MVB12B: variants seen among roughly 807,000 people sequenced by gnomAD.
MVB12B encodes the protein ESCRT-I complex subunit MVB12B.
MVB12B carries 16 observed loss-of-function variants against 41.6 expected under a neutral mutation model. The ratio of observed to expected loss-of-function variants is 0.38; its 90% CI spans 0.26 to 0.58. The LOEUF (loss-of-function observed/expected upper bound fraction) is 0.58. Ranked by LOEUF, MVB12B falls within the 20% of genes least tolerant of loss-of-function variation. The pLI is 0.62. For synonymous variants in MVB12B, 133 were observed against 139.7 expected, an observed-to-expected ratio of 0.95 and a Z score of 0.34; for missense variants, 274 against 380.2, an observed-to-expected ratio of 0.72 and a Z score of 2.32.
At chr9:126,494,007 T>A (rs772735920) in intron 9 of MVB12B, among the ~76,000 whole-genome samples, 2 of 152,178 alleles carry the variant, frequency 1.3e-5, no homozygotes, top group Non-Finnish European at 2.9e-5. Context: ...TCCCCAGGCC[T>A]CCTTATGTCA....
chr9:126,390,576 C>A (rs1830921617), intron 4 of MVB12B, among the ~76,000 whole-genome samples: 2 of 152,224 alleles, frequency 1.3e-5, no homozygotes, highest in African/African-American at 2.4e-5. Context: ...ACGTGCTTAT[C>A]CTTTTTTTCC....
chr9:126,380,263 C>T (rs553170984), intron 2 of MVB12B, among the ~76,000 whole-genome samples: 1 of 152,266 alleles, frequency 6.6e-6, no homozygotes, highest in Admixed American at 6.5e-5. Context: ...TTCTCCTCCT[C>T]CTCTCCCATC....
chr9:126,471,868 TC>T (rs1198144686), intron 7 of MVB12B, among the ~76,000 whole-genome samples: 8 of 152,228 alleles, frequency 5.3e-5, no homozygotes, highest in Non-Finnish European at 1.5e-5. Flanking sequence ...GCCTCATTGT[TC>T]ACCAGCATCT....
rs1833510626 is a variant in MVB12B, at chr9:126,480,895, T to TGAGCTCCTCTTTCCTCCC, written c.758-473_758-456dup. On this transcript the variant is annotated intron_variant, in intron 7 of 9. Transcript: ENST00000361171. The surrounding 1 kb of genome is among the most constrained non-coding windows in gnomAD (Gnocchi z 4.9). ...ATTTGAACCCAGCCAATCTGACTCC[T>TGAGCTCCTCTTTCCTCCC]GAGCTCCTCTTTCCTCCCACTTAGT... The TGAGCTCCTCTTTCCTCCC allele has an allele frequency of 6.5e-6, 1 of 154,998 alleles. No homozygotes were observed. The highest frequency in any genetic ancestry group is 1.4e-5 in the Non-Finnish European group (1 of 70,070). The allele number at this position is 154,998 out of a possible 1,614,324, so 9.6% of individuals were successfully genotyped here.
At chr9:126,481,151 G>C (rs1833515768) in intron 7 of MVB12B, 3 of 584,316 alleles carry the variant, frequency 5.1e-6, no homozygotes, top group Non-Finnish European at 9.1e-6. Context: ...CTGGTGCTCA[G>C]GGGATGACGA....
chr9:126,349,528 G>A (rs1256804112), intron 2 of MVB12B, among the ~76,000 whole-genome samples: 2 of 152,014 alleles, frequency 1.3e-5, no homozygotes, highest in Non-Finnish European at 2.9e-5. Context: ...CTTAACCCTT[G>A]ATAGCCACTA....
intron 7 of MVB12B, among the ~76,000 whole-genome samples, chr9:126,434,580 A>G (rs1047844554): frequency 3.3e-5 from 5 of 152,214 alleles, no homozygotes; most frequent in South Asian, 2.1e-4. Flanking sequence ...GAGGCAATAA[A>G]CACACCTATC....
chr9:126,392,183 A>G lies in MVB12B; in HGVS notation c.527A>G (p.Tyr176Cys), dbSNP rs1292132045. Residue 176 changes from tyrosine to cysteine, a missense_variant, in exon 5 of 10, where the codon TAC (tyrosine) becomes TGC (cysteine). By Grantham distance (194) the Tyr-to-Cys change is radical (BLOSUM62 -2). Transcript: ENST00000361171. This position sits in a 1 kb window ranked among gnomAD's most constrained non-coding sequence, Gnocchi z 4.8. ...CGGACCAAGCAGGCCCCGCCTCAGT[A>G]CACGTTTATTGGGTGAGTCTTAATA... The part of the protein sequence containing the change: ...MGRTKQAPPQ[Y>C]TFIGELNSMG... The G allele has an allele frequency of 6.2e-7, 1 of 1,614,132 alleles. No homozygotes were observed. Among genetic ancestry groups the G allele is most frequent in the Non-Finnish European group, 8.5e-7 (1 of 1,179,996 alleles).
chr9:126,347,324 T>G (rs1189325251), intron 2 of MVB12B, among the ~76,000 whole-genome samples: 4 of 152,256 alleles, frequency 2.6e-5, no homozygotes, highest in African/African-American at 9.6e-5. Flanking sequence ...CCAGCTGCCC[T>G]GGGAGTCTCC....
intron 7 of MVB12B, among the ~76,000 whole-genome samples, chr9:126,475,075 C>T (rs764101991): frequency 2.0e-5 from 3 of 152,214 alleles, no homozygotes; most frequent in Non-Finnish European, 2.9e-5. Context: ...TGTTATTCCA[C>T]GCCTCTTCCA....
chr9:126,408,133 A>G (rs1225676631), intron 6 of MVB12B: 1 of 152,240 alleles, frequency 6.6e-6, no homozygotes, highest in East Asian at 1.9e-4. Flanking sequence ...TGGAAACAGT[A>G]TTTAAGGGCG....
chr9:126,494,431 G>A (rs2119227602), intron 9 of MVB12B, among the ~76,000 whole-genome samples: 1 of 152,302 alleles, frequency 6.6e-6, no homozygotes, highest in Non-Finnish European at 1.5e-5. Flanking sequence ...ATAAAGTGAA[G>A]CAGAGATTAC....
At chr9:126,397,355 C>T (rs376770090) in intron 6 of MVB12B, 40 of 985,398 alleles carry the variant, frequency 4.1e-5, no homozygotes, top group Middle Eastern at 5.2e-4. Context: ...GCAAGACAGC[C>T]GAGAACACCG....
intron 7 of MVB12B, among the ~76,000 whole-genome samples, chr9:126,469,898 T>A (rs975402381): frequency 3.9e-5 from 6 of 152,208 alleles, no homozygotes; most frequent in African/African-American, 1.4e-4. Context: ...CCCCAAGCCA[T>A]TAAATATTTA....
intron 9 of MVB12B, among the ~76,000 whole-genome samples, chr9:126,489,182 C>T (rs1005263089): frequency 6.6e-6 from 1 of 152,240 alleles, no homozygotes; most frequent in Non-Finnish European, 1.5e-5. Flanking sequence ...ATGCCGGTGT[C>T]TGCAGGGACC....
intron 9 of MVB12B, among the ~76,000 whole-genome samples, chr9:126,488,176 G>C (rs1833659501): frequency 6.6e-6 from 1 of 152,172 alleles, no homozygotes; most frequent in Non-Finnish European, 1.5e-5. Flanking sequence ...GGACTCTGCA[G>C]GTTTGGCCCT....
chr9:126,429,690 C>A (rs968744492), intron 7 of MVB12B, among the ~76,000 whole-genome samples: 11 of 152,170 alleles, frequency 7.2e-5, no homozygotes, highest in Non-Finnish European at 1.0e-4. Flanking sequence ...TTTAAGAGTG[C>A]AAATATTCAT....
intron 7 of MVB12B, among the ~76,000 whole-genome samples, chr9:126,437,488 G>A (rs1832514956): frequency 1.3e-5 from 2 of 152,170 alleles, no homozygotes; most frequent in South Asian, 4.1e-4. Flanking sequence ...GCTTTATGCT[G>A]TTTAATAATA....
At chr9:126,466,423 A>G (rs1490558387) in intron 7 of MVB12B, among the ~76,000 whole-genome samples, 1 of 152,204 alleles carries the variant, frequency 6.6e-6, no homozygotes, top group African/African-American at 2.4e-5. Context: ...AGCAAGTCAC[A>G]TGGCCAAGCC....
Sources: allele counts gnomAD v4.1 joint callset (sites outside exome capture counted in the v4.1 genomes callset), GRCh38; gene constraint gnomAD v4.1.1; non-coding constraint Gnocchi (gnomAD v3.1); transcripts MANE v1.5; gene names NCBI Gene and HGNC (gene_info 2026-07-23, HGNC 2026-07-21).